Variants in EIPR1 observed in about 807,000 individuals in gnomAD.
EIPR1 encodes the protein EARP complex and GARP complex interacting protein 1.
In EIPR1, 25 loss-of-function variants were observed where a neutral mutation model predicts 48.1. The ratio of observed to expected loss-of-function variants is 0.52; its 90% CI spans 0.38 to 0.73. The LOEUF (loss-of-function observed/expected upper bound fraction) is 0.73, where lower values mean the gene tolerates loss of function less well. Among genes scored for constraint, EIPR1 ranks in the 30% least tolerant of loss-of-function variants. The pLI is 0.00. For synonymous variants in EIPR1, 204 were observed against 201.9 expected, an observed-to-expected ratio of 1.01 and a Z score of -0.09; for missense variants, 415 against 506.2, an observed-to-expected ratio of 0.82 and a Z score of 1.73.
intron 3 of EIPR1, among the ~76,000 whole-genome samples, chr2:3,287,360 CGTTCACTACGCTCCAGAAAGCTT>C (rs1668225288): frequency 6.6e-6 from 1 of 151,350 alleles, no homozygotes; most frequent in Non-Finnish European, 1.5e-5. Flanking sequence ...CCAGAAAGCT[CGTTCACTACGCTCCAGAAAGCTT>C]GTTCACCACA....
intron 3 of EIPR1, among the ~76,000 whole-genome samples, chr2:3,287,162 TG>T (rs1411487084): frequency 2.0e-5 from 3 of 151,892 alleles, no homozygotes; most frequent in Non-Finnish European, 2.9e-5. Flanking sequence ...TCATTCAACA[TG>T]TTCCACAAAG....
In EIPR1 at chr2:3,338,429, C is replaced by T. The variant is rs533816863; in HGVS notation, c.127-280G>A. ...AGTCTTAAAGAAATAAGGCACCAAA[C>T]GCTGTGTCCTCAAGTGGCTCTTAGA... On this transcript the variant is annotated intron_variant, in intron 2 of 8. Coordinates refer to ENST00000382125, the MANE Select transcript of EIPR1 (RefSeq NM_003310.5). 4.6e-5 allele frequency among the ~76,000 whole-genome samples: 7 copies of T among 152,332 alleles called. No homozygotes were observed. In the South Asian group the frequency reaches 1.0e-3, roughly 23 times the overall value.
intron 5 of EIPR1, among the ~76,000 whole-genome samples, chr2:3,213,106 G>A (rs1252560406): frequency 6.6e-6 from 1 of 152,172 alleles, no homozygotes; most frequent in East Asian, 1.9e-4. Context: ...AACATGGTAG[G>A]AACAAATAAA....
chr2:3,322,046 G>C (rs1343808342), intron 3 of EIPR1, among the ~76,000 whole-genome samples: 1 of 152,226 alleles, frequency 6.6e-6, no homozygotes, highest in Non-Finnish European at 1.5e-5. Context: ...CACTTCACGG[G>C]AAGATGTCCA....
intron 5 of EIPR1, among the ~76,000 whole-genome samples, chr2:3,198,303 C>T (rs1396742096): frequency 3.3e-5 from 5 of 152,172 alleles, no homozygotes; most frequent in African/African-American, 1.2e-4. Flanking sequence ...TGGTGTCCCC[C>T]CAGTCCTATG....
rs576910994 is a variant in EIPR1, at chr2:3,287,495, C to T, written c.260-30040G>A. On this transcript the variant is annotated intron_variant, in intron 3 of 8. Transcript: ENST00000382125. Reference sequence around the variant, plus strand: ...CTCGTTCACCACACTCCAGAAAGTTCGTTCACCACACTCCAGAAAGTTTGT... The same window carrying T: ...CTCGTTCACCACACTCCAGAAAGTTTGTTCACCACACTCCAGAAAGTTTGT... 5.3e-5 allele frequency among the ~76,000 whole-genome samples: 8 copies of T among 151,164 alleles called. No homozygotes were observed. The South Asian group carries it at 8.4e-4, about 16-fold the overall frequency.
chr2:3,308,697 A>G (rs1254680483), intron 3 of EIPR1, among the ~76,000 whole-genome samples: 1 of 152,232 alleles, frequency 6.6e-6, no homozygotes, highest in Non-Finnish European at 1.5e-5. Context: ...CAAGAAAGCT[A>G]TTCCAAGACA....
intron 2 of EIPR1, among the ~76,000 whole-genome samples, chr2:3,348,478 T>C (rs980502928): frequency 1.4e-4 from 22 of 152,126 alleles, no homozygotes; most frequent in African/African-American, 5.3e-4. Flanking sequence ...TGCTAAGCCA[T>C]GATCACACCC....
chr2:3,288,460 GAA>G (rs1246271012), intron 3 of EIPR1, among the ~76,000 whole-genome samples: 4 of 152,210 alleles, frequency 2.6e-5, no homozygotes, highest in Non-Finnish European at 4.4e-5. Flanking sequence ...GGGGTGTCCG[GAA>G]AGTTCTTTTG....
intron 3 of EIPR1, among the ~76,000 whole-genome samples, chr2:3,328,766 A>G (rs199927652): frequency 2.6e-4 from 15 of 57,820 alleles, no homozygotes; most frequent in East Asian, 8.8e-4. Flanking sequence ...CACCCACCAC[A>G]CTCTAATGAT....
intron 4 of EIPR1, among the ~76,000 whole-genome samples, chr2:3,251,052 T>C (rs895276106): frequency 6.6e-6 from 1 of 152,124 alleles, no homozygotes; most frequent in Non-Finnish European, 1.5e-5. Context: ...TGAGATATAC[T>C]GAAAAATAGT....
intron 3 of EIPR1, among the ~76,000 whole-genome samples, chr2:3,262,912 C>T (rs1404597370): frequency 6.6e-6 from 1 of 152,134 alleles, no homozygotes; most frequent in Non-Finnish European, 1.5e-5. Flanking sequence ...AGACGGTGCA[C>T]ACAGGACAGA....
intron 4 of EIPR1, among the ~76,000 whole-genome samples, chr2:3,219,371 C>T (rs536093594): frequency 6.6e-6 from 1 of 151,452 alleles, no homozygotes; most frequent in South Asian, 2.1e-4. Context: ...CAGGTGCACA[C>T]CCAACATGGC....
At chr2:3,325,245 C>T (rs1401259012) in intron 3 of EIPR1, among the ~76,000 whole-genome samples, 1 of 152,216 alleles carries the variant, frequency 6.6e-6, no homozygotes, top group African/African-American at 2.4e-5. Flanking sequence ...AGAGGTGTCC[C>T]CAGCGTGGGG....
At chr2:3,369,948 G>A (rs147334013) in intron 1 of EIPR1, among the ~76,000 whole-genome samples, 6 of 152,030 alleles carry the variant, frequency 3.9e-5, no homozygotes, top group Non-Finnish European at 5.9e-5. Context: ...GTGGGTCCTT[G>A]ACCCCTGACC....
intron 3 of EIPR1, among the ~76,000 whole-genome samples, chr2:3,269,118 C>T (rs533476516): frequency 6.6e-6 from 1 of 152,346 alleles, no homozygotes; most frequent in East Asian, 1.9e-4. Context: ...GCATGCTGTA[C>T]ACTGAGCACT....
At chr2:3,368,055 A>T (rs940735565) in intron 1 of EIPR1, among the ~76,000 whole-genome samples, 2 of 152,124 alleles carry the variant, frequency 1.3e-5, no homozygotes, top group Non-Finnish European at 2.9e-5. Flanking sequence ...AAAAAGAAAA[A>T]AGAAAAGAAA....
At position 3,353,340 on chromosome 2, in the gene EIPR1, T is replaced by C. The variant is rs139716120; in HGVS notation, c.126+1210A>G. Reference sequence around the variant, plus strand: ...GTCTTTATTCTAAGAAGAGATTCAATTGTGCACTTTGCTTTTTTACACCAC... The same window carrying C: ...GTCTTTATTCTAAGAAGAGATTCAACTGTGCACTTTGCTTTTTTACACCAC... On this transcript the variant is annotated intron_variant, in intron 2 of 8. Coordinates refer to ENST00000382125, the MANE Select transcript of EIPR1 (RefSeq NM_003310.5). The C allele has an allele frequency of 7.8e-3, 3,681 of 469,846 alleles. 19 individuals are homozygous for C. Among genetic ancestry groups the C allele is most frequent in the Middle Eastern group, 0.013 (40 of 3,072 alleles). The allele number at this position is 469,846 out of a possible 1,614,324, so 29.1% of individuals were successfully genotyped here.
chr2:3,345,960 C>T (rs1670388241), intron 2 of EIPR1, among the ~76,000 whole-genome samples: 1 of 152,208 alleles, frequency 6.6e-6, no homozygotes, highest in African/African-American at 2.4e-5. Context: ...CCACCACCAC[C>T]ACCACCACCG....
Sources: allele counts gnomAD v4.1 joint callset (sites outside exome capture counted in the v4.1 genomes callset), GRCh38; gene constraint gnomAD v4.1.1; transcripts MANE v1.5; gene names NCBI Gene and HGNC (gene_info 2026-07-23, HGNC 2026-07-21).